Variants in GRM7 observed in about 807,000 individuals in gnomAD.
GRM7 encodes metabotropic glutamate receptor 7.
In GRM7, 35 loss-of-function variants were observed where a neutral mutation model predicts 84.5. The ratio of observed to expected loss-of-function variants is 0.41; its 90% CI spans 0.32 to 0.55. The LOEUF (loss-of-function observed/expected upper bound fraction) is 0.55. Ranked by LOEUF, GRM7 falls within the 20% of genes least tolerant of loss-of-function variation. GRM7 has a pLI of 0.19. For synonymous variants in GRM7, 487 were observed against 455.1 expected (o/e 1.07, Z -0.89); for missense variants, 1,003 against 1,194.6 (o/e 0.84, Z 2.36).
At chr3:7,639,315 C>T (rs767997733) in intron 8 of GRM7, among the ~76,000 whole-genome samples, 9 of 152,202 alleles carry the variant, frequency 5.9e-5, no homozygotes, top group East Asian at 1.9e-4. Flanking sequence ...CATGCGCAGC[C>T]GCAAGCACAC....
chr3:7,404,302 C>A (rs573061835), intron 4 of GRM7, among the ~76,000 whole-genome samples: 4 of 152,242 alleles, frequency 2.6e-5, no homozygotes, highest in African/African-American at 9.6e-5. Flanking sequence ...CTCTTGTAAT[C>A]TAAAGGCTGT....
chr3:7,197,800 T>C (rs771024904), intron 2 of GRM7, among the ~76,000 whole-genome samples: 20 of 152,076 alleles, frequency 1.3e-4, no homozygotes, highest in Non-Finnish European at 2.2e-4. Context: ...CTGTCATGCT[T>C]AACAATTCAT....
At chr3:7,305,770 A>C (rs556454462) in intron 3 of GRM7, among the ~76,000 whole-genome samples, 55 of 152,116 alleles carry the variant, frequency 3.6e-4, no homozygotes, top group Admixed American at 1.1e-3. Flanking sequence ...TGATACTCCC[A>C]AGTCCCAAGA....
At chr3:7,722,995 A>G (rs2106520821) in intron 9 of GRM7, among the ~76,000 whole-genome samples, 1 of 152,298 alleles carries the variant, frequency 6.6e-6, no homozygotes, top group South Asian at 2.1e-4. Context: ...TTTTTATCAT[A>G]AGACTTCAAA....
At chr3:7,705,613 C>G (rs1288166637) in intron 9 of GRM7, among the ~76,000 whole-genome samples, 1 of 152,130 alleles carries the variant, frequency 6.6e-6, no homozygotes, top group Non-Finnish European at 1.5e-5. Context: ...CATTAATAAA[C>G]ACAAAATGGA....
At chr3:7,343,323 T>C (rs1692732092) in intron 4 of GRM7, among the ~76,000 whole-genome samples, 2 of 152,106 alleles carry the variant, frequency 1.3e-5, no homozygotes, top group South Asian at 4.1e-4. Flanking sequence ...AGCCTCGACC[T>C]CCTAGGCTTA....
intron 8 of GRM7, among the ~76,000 whole-genome samples, chr3:7,636,050 GTTATA>G (rs1472846988): frequency 2.0e-5 from 3 of 152,114 alleles, no homozygotes; most frequent in South Asian, 4.1e-4. Flanking sequence ...TTGAAAATAT[GTTATA>G]TTATCAAAAC....
intron 2 of GRM7, among the ~76,000 whole-genome samples, chr3:7,171,097 G>A (rs66545203): frequency 0.31 from 47,802 of 152,024 alleles, 9,288 homozygotes; most frequent in East Asian, 0.57. Context: ...GCAAGGCTTA[G>A]AAACAGAAAT....
chr3:7,093,574 G>A (rs1698743113), intron 1 of GRM7, among the ~76,000 whole-genome samples: 1 of 150,378 alleles, frequency 6.6e-6, no homozygotes, highest in Non-Finnish European at 1.5e-5. Context: ...CTACTCGGGG[G>A]GCTGAGGGAG....
chr3:7,342,694 C>A (rs1230875620), intron 4 of GRM7, among the ~76,000 whole-genome samples: 1 of 152,136 alleles, frequency 6.6e-6, no homozygotes, highest in Non-Finnish European at 1.5e-5. Context: ...GGTCTGGGGT[C>A]ATGGAATTTT....
chr3:7,489,588 G>T (rs1007161143), intron 7 of GRM7, among the ~76,000 whole-genome samples: 1 of 152,096 alleles, frequency 6.6e-6, no homozygotes, highest in Non-Finnish European at 1.5e-5. Context: ...TAGCTTGTGT[G>T]TAATGTTCCT....
chr3:7,403,757 G>A, intron 4 of GRM7, among the ~76,000 whole-genome samples: 1 of 149,744 alleles, frequency 6.7e-6, no homozygotes, highest in African/African-American at 2.4e-5. Flanking sequence ...GAATATATTT[G>A]TATATATAAG....
intron 5 of GRM7, among the ~76,000 whole-genome samples, chr3:7,430,252 G>T (rs575291014): frequency 6.6e-6 from 1 of 152,180 alleles, no homozygotes; most frequent in African/African-American, 2.4e-5. Context: ...CCATATTCCT[G>T]TGGCCTTCTG....
chr3:7,524,621 G>A, intron 7 of GRM7, among the ~76,000 whole-genome samples: 1 of 86,598 alleles, frequency 1.2e-5, no homozygotes, highest in South Asian at 4.3e-4. Context: ...AACAACAGGT[G>A]CTGGAGAGGA....
At chr3:6,925,382 A>G (rs1034910930) in intron 1 of GRM7, among the ~76,000 whole-genome samples, 1 of 152,206 alleles carries the variant, frequency 6.6e-6, no homozygotes, top group Non-Finnish European at 1.5e-5. Context: ...TTCTCAAAAG[A>G]GTTACCTGCT....
chr3:7,023,812 C>T (rs185220071), intron 1 of GRM7, among the ~76,000 whole-genome samples: 5 of 152,290 alleles, frequency 3.3e-5, no homozygotes, highest in Admixed American at 1.3e-4. Context: ...ACAGGTCTAA[C>T]TTATCTTGGA....
At chr3:7,005,275 T>TG (rs1398728115) in intron 1 of GRM7, among the ~76,000 whole-genome samples, 5 of 152,248 alleles carry the variant, frequency 3.3e-5, no homozygotes, top group African/African-American at 1.2e-4. Context: ...TAGCTGGATG[T>TG]GGCCATCCGG....
chr3:7,130,172 T>A (rs1216839931), intron 1 of GRM7, among the ~76,000 whole-genome samples: 1 of 152,214 alleles, frequency 6.6e-6, no homozygotes, highest in Non-Finnish European at 1.5e-5. Context: ...ACGTCCCTTA[T>A]AACCTTGAGT....
chr3:7,108,555 T>C (rs1451068090), intron 1 of GRM7, among the ~76,000 whole-genome samples: 2 of 151,746 alleles, frequency 1.3e-5, no homozygotes, highest in Non-Finnish European at 2.9e-5. Flanking sequence ...TCTGCTGCTC[T>C]GTCATCGTAC....
Sources: allele counts gnomAD v4.1 joint callset (sites outside exome capture counted in the v4.1 genomes callset), GRCh38; gene constraint gnomAD v4.1.1; transcripts MANE v1.5; gene names NCBI Gene and HGNC (gene_info 2026-07-23, HGNC 2026-07-21).